Variants in LRRC56 observed in about 807,000 individuals in gnomAD.
LRRC56 encodes leucine-rich repeat-containing protein 56.
Under a neutral mutation model 47.8 loss-of-function variants are expected in LRRC56, and 41 were observed. That is an observed-to-expected ratio of 0.86 (90% CI 0.67 to 1.11). LRRC56 has a LOEUF of 1.11. Among genes scored for constraint, LRRC56 ranks in the 50% most tolerant of loss-of-function variants. The pLI is 0.00. For missense variants in LRRC56, 759 were observed against 704.2 expected (o/e 1.08, Z -0.88); for synonymous variants, 387 against 311.2 (o/e 1.24, Z -2.56).
In LRRC56 at chr11:549,933, G is replaced by A. The variant is rs758284462; in HGVS notation, c.358G>A (p.Val120Met). ...DLGTSLGHLQ[V>M]LWLARCGLAD... The stretch of plus-strand genomic sequence containing the variant: ...GGGCACGTCTCTGGGCCACCTGCAG[G>A]TGCTGTGGCTGGCTCGCTGTGGCCT... The change falls in exon 7 of 14, where the codon GTG (valine) becomes ATG (methionine). Residue 120 changes from valine (V) to methionine (M), a missense_variant. By Grantham distance (21) the Val-to-Met change is conservative. Coordinates refer to ENST00000270115, the MANE Select transcript of LRRC56 (RefSeq NM_198075.4). The A allele has an allele frequency of 3.7e-6, 6 of 1,613,052 alleles. No individual in the cohort carries two copies. Among genetic ancestry groups the A allele is most frequent in the South Asian group, 3.3e-5 (3 of 91,086 alleles).
chr11:543,958 C>T (rs1255020623), intron 5 of LRRC56, among the ~76,000 whole-genome samples: 1 of 152,136 alleles, frequency 6.6e-6, no homozygotes, highest in Non-Finnish European at 1.5e-5. Flanking sequence ...CCGTGTTAAC[C>T]AGGATGGTCT....
At chr11:550,470 C>A (rs1852326811) in intron 8 of LRRC56, among the ~76,000 whole-genome samples, 198 bp downstream of exon 8, 1 of 152,206 alleles carries the variant, frequency 6.6e-6, no homozygotes, top group Non-Finnish European at 1.5e-5. Context: ...CCCGCTAGAT[C>A]CCACAGGGTC....
At chr11:532,882 GC>G, upstream of LRRC56, 1 of 912,924 alleles carries the variant, frequency 1.1e-6, no homozygotes, top group Non-Finnish European at 1.8e-6. Context: ...ACTTCCCCAG[GC>G]CCACCACACA....
the LRRC56 span, among the ~76,000 whole-genome samples, chr11:511,229 G>A: frequency 1.3e-5 from 2 of 151,342 alleles, no homozygotes; most frequent in South Asian, 4.2e-4. Flanking sequence ...GCTGAGGCAG[G>A]AGAATGGCGT....
the LRRC56 span, among the ~76,000 whole-genome samples, chr11:527,245 G>A: frequency 6.6e-6 from 1 of 152,002 alleles, no homozygotes; most frequent in Non-Finnish European, 1.5e-5. Context: ...AGGTTGCAGT[G>A]AGCTGAGATC....
chr11:525,290 A>G, the LRRC56 span, among the ~76,000 whole-genome samples: 2 of 151,882 alleles, frequency 1.3e-5, no homozygotes, highest in Admixed American at 1.3e-4. Context: ...CTGTAATCCC[A>G]GCACTTTGGG....
At chr11:533,310 G>A (rs1167790755), upstream of LRRC56, 1 of 1,602,040 alleles carries the variant, frequency 6.2e-7, no homozygotes, top group East Asian at 2.2e-5. Flanking sequence ...ATGGGTCCCG[G>A]GGGGTCCCAG....
At chr11:543,481 CTGAGA>C (rs1851906706) in intron 5 of LRRC56, among the ~76,000 whole-genome samples, 1 of 152,122 alleles carries the variant, frequency 6.6e-6, no homozygotes, top group African/African-American at 2.4e-5. Flanking sequence ...TCCCAAAGTG[CTGAGA>C]TTATAGGTGT....
chr11:525,142 A>G, the LRRC56 span, among the ~76,000 whole-genome samples: 3 of 139,046 alleles, frequency 2.2e-5, no homozygotes, highest in South Asian at 2.3e-4. Context: ...GGTGGGTCAC[A>G]CCTGTAATCC....
upstream of LRRC56, chr11:535,309 CGCCGCT>C (rs1354161212): frequency 7.9e-6 from 1 of 127,186 alleles, no homozygotes; most frequent in Admixed American, 8.0e-5. Context: ...CCGCCGCCGC[CGCCGCT>C]TACGCCCGCC....
chr11:523,704 A>T, the LRRC56 span, among the ~76,000 whole-genome samples: 1 of 151,836 alleles, frequency 6.6e-6, no homozygotes, highest in East Asian at 1.9e-4. Flanking sequence ...AGGCCCAGGC[A>T]GGTGGATCAT....
rs760596298 is a variant in LRRC56 at position 550,277 on chromosome 11, G to A, written c.624+5G>A. 8.3e-6 allele frequency: 13 copies of A among 1,562,750 alleles called. No homozygotes were observed. The Admixed American group carries it at 1.3e-4, about 16-fold the overall frequency. On this transcript the variant is annotated splice_donor_5th_base_variant and intron_variant, in intron 8 of 13. Coordinates refer to ENST00000270115, the MANE Select transcript of LRRC56 (RefSeq NM_198075.4). Reference sequence around the variant, plus strand: ...GCCCCTGGCCCCACCAACAAGGTGCGTGTCCCGGGCACCCGGCCAGCATGT... The same window carrying A: ...GCCCCTGGCCCCACCAACAAGGTGCATGTCCCGGGCACCCGGCCAGCATGT...
At chr11:532,206 C>T in the LRRC56 span, 8 of 358,348 alleles carry the variant, frequency 2.2e-5, no homozygotes, top group South Asian at 6.5e-5. Flanking sequence ...CCAGGCCACA[C>T]GCGCACCGTG....
chr11:551,230 C>A lies in LRRC56; in HGVS notation c.724C>A (p.Pro242Thr), dbSNP rs1349390954. The stretch of plus-strand genomic sequence containing the variant: ...GGCCGCACACACAGGCCCACCGGCC[C>A]CCCCGCGGCTGAGCCAGGACTGGCT... The part of the protein sequence containing the change: ...VPAAHTGPPA[P>T]PRLSQDWLAV... The change falls in exon 9 of 14, where the codon CCC becomes ACC. Residue 242 changes from proline to threonine, a missense_variant. Coordinates refer to ENST00000270115, the MANE Select transcript of LRRC56 (RefSeq NM_198075.4). 2 of 1,547,106 alleles carry A rather than the reference C, an allele frequency of 1.3e-6. No homozygotes were observed. Among genetic ancestry groups the A allele is most frequent in the Non-Finnish European group, 1.7e-6 (2 of 1,144,992 alleles).
At chr11:535,293 C>T (rs1851410215), upstream of LRRC56, 1 of 32,726 alleles carries the variant, frequency 3.1e-5, no homozygotes, top group South Asian at 7.0e-4. Context: ...CACCCACCCG[C>T]CGCCGCCGCC....
the LRRC56 span, among the ~76,000 whole-genome samples, chr11:519,339 C>T: frequency 5.1e-3 from 349 of 68,420 alleles, 7 homozygotes; most frequent in African/African-American, 0.018. Flanking sequence ...TATTAGAACG[C>T]GGGCTGATAC....
At chr11:544,866 T>A in intron 6 of LRRC56, 86 bp downstream of exon 6, 2 of 477,718 alleles carry the variant, frequency 4.2e-6, no homozygotes, top group Non-Finnish European at 6.4e-6. Flanking sequence ...GAGAACTTGG[T>A]GGGAGTGGGG....
Position 542,264 on chromosome 11 carries a change from G to A in LRRC56, c.265+640G>A, listed in dbSNP as rs893106343. 2.3e-4 allele frequency among the ~76,000 whole-genome samples: 35 copies of A among 151,946 alleles called. 1 individual carries two copies. Among genetic ancestry groups the A allele is most frequent in the Non-Finnish European group, 1.5e-5 (1 of 68,004 alleles). On this transcript the variant is annotated intron_variant, in intron 5 of 13. Transcript: ENST00000270115. Reference sequence around the variant, plus strand: ...ACACACCCACGCCAGCATCACAGAGGAACAAAGGCCAAAATGGTGCTGAGT... The same window carrying A: ...ACACACCCACGCCAGCATCACAGAGAAACAAAGGCCAAAATGGTGCTGAGT...
upstream of LRRC56, chr11:533,586 G>C (rs730880462): frequency 2.5e-6 from 4 of 1,613,858 alleles, no homozygotes; most frequent in Non-Finnish European, 3.4e-6. Context: ...CACGTCATCC[G>C]AGTCCTTCAC....
Sources: gnomAD v4.1 joint callset for allele counts (sites outside exome capture counted in the v4.1 genomes callset) on GRCh38, gnomAD v4.1.1 for gene constraint, MANE v1.5 for transcripts, NCBI Gene and HGNC (gene_info 2026-07-23, HGNC 2026-07-21) for gene names.